Variants in LRGUK observed in about 807,000 individuals in gnomAD.
The protein encoded by LRGUK is leucine rich repeats and guanylate kinase domain containing.
LRGUK carries 65 observed loss-of-function variants against 76.0 expected under a neutral mutation model. The observed-to-expected ratio is 0.85, with a 90% CI of 0.70 to 1.05. The LOEUF (loss-of-function observed/expected upper bound fraction) is 1.05, where lower values mean the gene tolerates loss of function less well. Ranked by LOEUF, LRGUK falls within the 50% of genes least tolerant of loss-of-function variation. LRGUK has a pLI of 0.00. For synonymous variants in LRGUK, 268 were observed against 265.6 expected (o/e 1.01, Z -0.09); for missense variants, 758 against 732.8 (o/e 1.03, Z -0.40).
At chr7:134,241,566 A>G (rs558094852) in intron 16 of LRGUK, among the ~76,000 whole-genome samples, 1 of 152,198 alleles carries the variant, frequency 6.6e-6, no homozygotes, top group Non-Finnish European at 1.5e-5. Context: ...AAGTCCTTAG[A>G]GACCTATATA....
Position 134,237,791 on chromosome 7 carries a change from C to T in LRGUK, c.1984-9765C>T, listed in dbSNP as rs1307540980. On this transcript the variant is annotated intron_variant, in intron 16 of 19. Transcript: ENST00000285928. ...TTTTATGTGGATAGATAAAATAGTT[C>T]ATAAATTCAGTTAGTATTTCCAATT... 2.6e-5 allele frequency among the ~76,000 whole-genome samples: 4 copies of T among 152,234 alleles called. No homozygotes were observed. In the East Asian group the frequency reaches 7.7e-4, roughly 29 times the overall value.
At chr7:134,198,733 G>A (rs998783584) in intron 13 of LRGUK, among the ~76,000 whole-genome samples, 6 of 152,118 alleles carry the variant, frequency 3.9e-5, no homozygotes, top group East Asian at 1.9e-4. Context: ...TGCAGGTGAC[G>A]AGGAGCTTGG....
At position 134,136,608 on chromosome 7, in the gene LRGUK, C is replaced by T. The variant is rs1342599194; in HGVS notation, c.298-415C>T. ...GCAAGTTAACCTCCAAACGTTAATT[C>T]TTTTGCCTGTAAAGTGGAGATAAGA... On this transcript the variant is annotated intron_variant, in intron 1 of 15. Coordinates refer to ENST00000645682, the Ensembl canonical transcript of LRGUK. Among the ~76,000 whole-genome samples the T allele has an allele frequency of 2.0e-5, 3 of 152,128 alleles. No individual in the cohort carries two copies. The South Asian group carries it at 6.2e-4, about 32-fold the overall frequency.
intron 7 of LRGUK, among the ~76,000 whole-genome samples, chr7:134,167,756 A>G (rs1311972826): frequency 6.6e-6 from 1 of 152,144 alleles, no homozygotes; most frequent in African/African-American, 2.4e-5. Flanking sequence ...CTCTGCTGGA[A>G]GCTTTTCCCC....
chr7:134,188,098 T>C (rs1426773440), intron 11 of LRGUK, among the ~76,000 whole-genome samples: 1 of 152,226 alleles, frequency 6.6e-6, no homozygotes, highest in East Asian at 1.9e-4. Flanking sequence ...AAATGCTATA[T>C]GCTGGTGATG....
chr7:134,155,843 C>G (rs1798432828), intron 5 of LRGUK, among the ~76,000 whole-genome samples: 1 of 152,062 alleles, frequency 6.6e-6, no homozygotes, highest in African/African-American at 2.4e-5. Context: ...ATTATGGAGG[C>G]AAAATGTTTT....
intron 16 of LRGUK, among the ~76,000 whole-genome samples, chr7:134,245,912 A>G (rs1238762237): frequency 6.6e-6 from 1 of 152,190 alleles, no homozygotes; most frequent in Non-Finnish European, 1.5e-5. Context: ...TAGTTTTTAA[A>G]TGGTGAAATG....
intron 15 of LRGUK, among the ~76,000 whole-genome samples, chr7:134,219,850 C>T (rs1050568028): frequency 6.6e-6 from 1 of 152,098 alleles, no homozygotes; most frequent in Non-Finnish European, 1.5e-5. Context: ...TGCTGTTCTT[C>T]TTTATGCCTT....
intron 3 of LRGUK, 140 bp from the exon 4 acceptor site, chr7:134,142,922 T>A: frequency 1.8e-6 from 1 of 552,326 alleles, no homozygotes; most frequent in East Asian, 3.0e-5. Context: ...ATTTTATTCC[T>A]TTCACTCATA....
intron 1 of LRGUK, 138 bp downstream of exon 1, chr7:134,127,802 T>G: frequency 1.1e-6 from 1 of 920,580 alleles, no homozygotes; most frequent in Non-Finnish European, 1.6e-6. Flanking sequence ...GGAACGCCTC[T>G]TCCCCCTCTT....
At chr7:134,270,256 A>T in the LRGUK span, among the ~76,000 whole-genome samples, 1 of 152,216 alleles carries the variant, frequency 6.6e-6, no homozygotes. Context: ...TTGATACAAA[A>T]AATCAATTGT....
chr7:134,162,744 T>C (rs559948030), intron 6 of LRGUK, among the ~76,000 whole-genome samples: 203 of 149,592 alleles, frequency 1.4e-3, no homozygotes, highest in African/African-American at 5.0e-3. Flanking sequence ...GGAGAATCAC[T>C]TGAACCCCAG....
At chr7:134,259,053 G>T (rs1487828092) in intron 19 of LRGUK, among the ~76,000 whole-genome samples, 2 of 152,176 alleles carry the variant, frequency 1.3e-5, no homozygotes, top group Admixed American at 1.3e-4. Flanking sequence ...GAAGGTGAAG[G>T]AAAGCATGGA....
intron 15 of LRGUK, among the ~76,000 whole-genome samples, chr7:134,220,992 G>A (rs998144562): frequency 2.0e-5 from 3 of 152,002 alleles, no homozygotes; most frequent in Admixed American, 2.0e-4. Context: ...CTCTGACTTC[G>A]AGTCTTCACT....
In LRGUK at chr7:134,197,208, A is replaced by C; in HGVS notation, c.1545+103A>C. On this transcript the variant is annotated intron_variant, in intron 13 of 15. Transcript: ENST00000645682. ...GTATATATGTATAAACTTTTTACTG[A>C]TACATAATTGAGGTACATATATGGG... 4.5e-6 allele frequency: 3 copies of C among 672,710 alleles called. No individual in the cohort carries two copies. In the South Asian group the frequency reaches 6.4e-5, roughly 14 times the overall value. The allele number at this position is 672,710 out of a possible 1,614,324, so 41.7% of individuals were successfully genotyped here. A position where few individuals can be genotyped will look rare whatever the true frequency, so the allele number is the denominator to read the frequency against.
intron 19 of LRGUK, among the ~76,000 whole-genome samples, chr7:134,262,970 CAAA>C (rs3030443): frequency 5.6e-5 from 5 of 89,962 alleles, no homozygotes; most frequent in Admixed American, 1.1e-4. Flanking sequence ...GACCTGGTCT[CAAA>C]AAAAAAAAAA....
chr7:134,252,605 A>C (rs1257481018), intron 18 of LRGUK, among the ~76,000 whole-genome samples: 1 of 152,172 alleles, frequency 6.6e-6, no homozygotes. Flanking sequence ...TGTTGGTGCC[A>C]TGTAGCCCTA....
chr7:134,197,013 A>C, exon 13 of LRGUK: 1 of 1,599,750 alleles, frequency 6.3e-7, no homozygotes, highest in Non-Finnish European at 8.6e-7. Context: ...TCTAACATTT[A>C]GTTATGGTAA....
At chr7:134,171,573 G>A (rs1380810960) in intron 7 of LRGUK, among the ~76,000 whole-genome samples, 1 of 151,948 alleles carries the variant, frequency 6.6e-6, no homozygotes, top group African/African-American at 2.4e-5. Flanking sequence ...GGTAAAAGAA[G>A]AAAAGAAGAG....
Sources: allele counts gnomAD v4.1 joint callset (sites outside exome capture counted in the v4.1 genomes callset), GRCh38; gene constraint gnomAD v4.1.1; transcripts MANE v1.5; gene names NCBI Gene and HGNC (gene_info 2026-07-23, HGNC 2026-07-21).